Variants in ZC3H12B observed in about 807,000 individuals in gnomAD.
The protein encoded by ZC3H12B is zinc finger CCCH-type containing 12B.
ZC3H12B carries 7 observed loss-of-function variants against 43.9 expected under a neutral mutation model. The ratio of observed to expected loss-of-function variants is 0.16; its 90% CI spans 0.09 to 0.30. ZC3H12B has a LOEUF of 0.30. Ranked by LOEUF, ZC3H12B falls within the 10% of genes least tolerant of loss-of-function variation. ZC3H12B has a pLI of 1.00. For synonymous variants in ZC3H12B, 222 were observed against 241.7 expected (o/e 0.92, Z 0.76); for missense variants, 475 against 670.2 (o/e 0.71, Z 3.22).
At chrX:65,161,898 C>G in the ZC3H12B span, among the ~76,000 whole-genome samples, 1 of 111,950 alleles carries the variant, frequency 8.9e-6, no homozygotes. Flanking sequence ...TTTGCAGTGG[C>G]TGGTACTGGT....
intron 2 of ZC3H12B, among the ~76,000 whole-genome samples, chrX:65,382,547 C>G (rs754301086): frequency 4.8e-4 from 53 of 111,475 alleles, no homozygotes; most frequent in African/African-American, 1.6e-3. Flanking sequence ...TGGCACAAGA[C>G]AGGTATACCC....
the ZC3H12B span, among the ~76,000 whole-genome samples, chrX:65,288,271 G>T: frequency 5.1e-4 from 57 of 110,964 alleles, no homozygotes; most frequent in African/African-American, 1.8e-3. Flanking sequence ...TTTCAAAAAA[G>T]TGAAGAGAAG....
At chrX:65,369,192 G>C (rs766996500) in intron 2 of ZC3H12B, among the ~76,000 whole-genome samples, 194 bp downstream of exon 4, 75 of 111,765 alleles carry the variant, frequency 6.7e-4, no homozygotes, top group African/African-American at 2.3e-3. Context: ...TATCTTCTTA[G>C]GTTGAAAATA....
At chrX:65,085,426 A>T in the ZC3H12B span, among the ~76,000 whole-genome samples, 2 of 111,314 alleles carry the variant, frequency 1.8e-5, no homozygotes, top group Non-Finnish European at 3.8e-5. Context: ...ATAAAAAAAA[A>T]TTCAAAAATG....
At chrX:65,172,313 T>A in the ZC3H12B span, among the ~76,000 whole-genome samples, 1 of 112,440 alleles carries the variant, frequency 8.9e-6, no homozygotes, top group Admixed American at 9.4e-5. Flanking sequence ...TTTGTTTAAG[T>A]TCCCTGTAGA....
chrX:65,137,746 A>G, the ZC3H12B span, among the ~76,000 whole-genome samples: 5 of 113,003 alleles, frequency 4.4e-5, no homozygotes, highest in African/African-American at 1.6e-4. Context: ...AGAAAAAAAT[A>G]TATGAAATAA....
At chrX:65,399,250 A>G (rs2066736954) in intron 3 of ZC3H12B, among the ~76,000 whole-genome samples, 1 of 112,561 alleles carries the variant, frequency 8.9e-6, no homozygotes, top group Non-Finnish European at 1.9e-5. Flanking sequence ...AACCTACAGA[A>G]TTAGAGAAAA....
chrX:65,441,751 G>T (rs1453662520), intron 3 of ZC3H12B, among the ~76,000 whole-genome samples: 2 of 111,339 alleles, frequency 1.8e-5, no homozygotes, highest in African/African-American at 6.5e-5. Context: ...CTTTTGCAGG[G>T]GTTCCCCAGG....
chrX:65,113,213 C>T, the ZC3H12B span, among the ~76,000 whole-genome samples: 1 of 111,666 alleles, frequency 9.0e-6, no homozygotes, highest in Non-Finnish European at 1.9e-5. Context: ...ACAACTATAA[C>T]GGATGAAGAG....
chrX:65,353,245 G>A, the ZC3H12B span, among the ~76,000 whole-genome samples: 5 of 111,403 alleles, frequency 4.5e-5, no homozygotes, highest in African/African-American at 1.3e-4. Context: ...ATAAATGTGT[G>A]TGTTCTGAAA....
At chrX:65,491,782 T>A (rs1250490477) in intron 1 of ZC3H12B, among the ~76,000 whole-genome samples, 2 of 108,563 alleles carry the variant, frequency 1.8e-5, no homozygotes, top group African/African-American at 6.7e-5. Flanking sequence ...ATTTCCTTTT[T>A]CAATTTTTTA....
chrX:65,479,970 G>T (rs1039787729), intron 3 of ZC3H12B, among the ~76,000 whole-genome samples: 1 of 112,469 alleles, frequency 8.9e-6, no homozygotes. Flanking sequence ...AAGTTACAAA[G>T]TTATTTACTT....
At chrX:65,468,143 T>G (rs752873652) in intron 3 of ZC3H12B, among the ~76,000 whole-genome samples, 1 of 111,972 alleles carries the variant, frequency 8.9e-6, no homozygotes. Flanking sequence ...TGGTGAGAGA[T>G]AGAGATCCAG....
the ZC3H12B span, among the ~76,000 whole-genome samples, chrX:65,165,478 G>A: frequency 3.6e-5 from 4 of 111,781 alleles, no homozygotes; most frequent in African/African-American, 1.3e-4. Flanking sequence ...CCTTCCCTGT[G>A]CCCATGTGTT....
the ZC3H12B span, among the ~76,000 whole-genome samples, chrX:65,289,892 A>G: frequency 2.7e-5 from 3 of 111,088 alleles, no homozygotes; most frequent in Non-Finnish European, 5.7e-5. Context: ...AGAAGAAAAC[A>G]GATAAAATTG....
At chrX:65,401,517 G>A (rs1173461636) in intron 3 of ZC3H12B, among the ~76,000 whole-genome samples, 1 of 111,764 alleles carries the variant, frequency 8.9e-6, no homozygotes, top group Admixed American at 9.5e-5. Flanking sequence ...CATCAGGACT[G>A]CAACTGTTAG....
At chrX:65,349,939 C>T in the ZC3H12B span, among the ~76,000 whole-genome samples, 2 of 112,109 alleles carry the variant, frequency 1.8e-5, no homozygotes, top group Non-Finnish European at 1.9e-5. Flanking sequence ...CAAAGAGGAG[C>T]TGGTACCATT....
the ZC3H12B span, among the ~76,000 whole-genome samples, chrX:65,047,995 A>G: frequency 9.0e-6 from 1 of 111,310 alleles, no homozygotes; most frequent in African/African-American, 3.3e-5. Flanking sequence ...TATAAATTAT[A>G]TGCACATTAA....
At chrX:65,378,676 T>C (rs2066385308) in intron 2 of ZC3H12B, among the ~76,000 whole-genome samples, 1 of 112,388 alleles carries the variant, frequency 8.9e-6, no homozygotes, top group Non-Finnish European at 1.9e-5. Flanking sequence ...GGGTGATTTC[T>C]GCATCTCCAT....
Sources: gnomAD v4.1 joint callset for allele counts (sites outside exome capture counted in the v4.1 genomes callset) on GRCh38, gnomAD v4.1.1 for gene constraint, MANE v1.5 for transcripts, NCBI Gene and HGNC (gene_info 2026-07-23, HGNC 2026-07-21) for gene names.